The following ADPRHL1 variants were observed in gnomAD, a reference collection of about 807,000 sequenced individuals.
ADPRHL1 encodes ADP-ribosylhydrolase like 1.
In ADPRHL1, 43 loss-of-function variants were observed where a neutral mutation model predicts 44.1. The observed-to-expected ratio is 0.98, with a 90% CI of 0.76 to 1.26. The LOEUF is 1.26. Ranked by LOEUF, ADPRHL1 falls within the 50% of genes most tolerant of loss-of-function variation. ADPRHL1 has a pLI of 0.00. For missense variants in ADPRHL1, 2,022 were observed against 2,496.9 expected (o/e 0.81, Z 4.05); for synonymous variants, 878 against 1,017.4 (o/e 0.86, Z 2.61).
chr13:113,445,910 G>A (rs113579044), intron 1 of ADPRHL1, among the ~76,000 whole-genome samples: 47 of 148,978 alleles, frequency 3.2e-4, no homozygotes, highest in African/African-American at 1.1e-3. Context: ...AGGGACCATG[G>A]CTGCAAACCC....
intron 7 of ADPRHL1, among the ~76,000 whole-genome samples, chr13:113,416,547 A>G (rs1476498250): frequency 6.6e-6 from 1 of 152,118 alleles, no homozygotes; most frequent in East Asian, 1.9e-4. Flanking sequence ...AATTACAGCA[A>G]CTGCCTAGGG....
chr13:113,414,894 C>T (rs1250548227), intron 7 of ADPRHL1, among the ~76,000 whole-genome samples: 5 of 152,018 alleles, frequency 3.3e-5, no homozygotes, highest in African/African-American at 9.7e-5. Flanking sequence ...AGGCTGGTTT[C>T]GAACTCCTGA....
intron 1 of ADPRHL1, among the ~76,000 whole-genome samples, chr13:113,447,457 T>C (rs1380520945): frequency 3.1e-5 from 4 of 131,144 alleles, no homozygotes; most frequent in East Asian, 2.5e-4. Context: ...GGTGTGTGTG[T>C]ATGGTGTCTA....
intron 3 of ADPRHL1, among the ~76,000 whole-genome samples, chr13:113,431,194 C>A (rs569475662): frequency 1.6e-3 from 245 of 152,342 alleles, no homozygotes; most frequent in African/African-American, 5.7e-3. Context: ...TCTCTGTACA[C>A]CGGGGCTGTG....
At chr13:113,424,055 T>C (rs2139618550) in intron 6 of ADPRHL1, among the ~76,000 whole-genome samples, 162 bp downstream of exon 6, 1 of 152,328 alleles carries the variant, frequency 6.6e-6, no homozygotes, top group East Asian at 1.9e-4. Context: ...CCCTGGAGCC[T>C]GTGCCCTCCC....
Position 113,453,301 on chromosome 13 carries a change from A to C in ADPRHL1, c.137T>G (p.Leu46Arg). 6.2e-7 allele frequency: 1 copy of C among 1,614,180 alleles called. No homozygotes were observed. The highest frequency in any genetic ancestry group is 8.5e-7 in the Non-Finnish European group (1 of 1,180,038). The change falls in exon 1 of 8, where the codon CTC becomes CGC. Residue 46 changes from leucine (L) to arginine (R), a missense_variant. This residue lies in a region of ADPRHL1 where 437 missense variants were observed against 430.7 expected (regional missense o/e 1.01). Coordinates refer to ENST00000612156, the MANE Select transcript of ADPRHL1 (RefSeq NM_001394807.1). This position sits in a 1 kb window ranked among gnomAD's most constrained non-coding sequence, Gnocchi z 5.4. Reference sequence around the variant, plus strand: ...GGGCCATTCTCCTGGCGAGAGTACGAGGTGGTCCAGGCCCCCGGAACGTTG... The same window carrying C: ...GGGCCATTCTCCTGGCGAGAGTACGCGGTGGTCCAGGCCCCCGGAACGTTG... ...ELQRSGGLDH[L>R]VLSPGEWPVS...
intron 7 of ADPRHL1, among the ~76,000 whole-genome samples, chr13:113,416,234 T>A (rs1308580054): frequency 6.6e-6 from 1 of 152,034 alleles, no homozygotes; most frequent in Non-Finnish European, 1.5e-5. Context: ...CTGTATTTCC[T>A]GGAAATAAAT....
At chr13:113,428,434 CT>C (rs2043982407) in intron 4 of ADPRHL1, among the ~76,000 whole-genome samples, 1 of 152,250 alleles carries the variant, frequency 6.6e-6, no homozygotes, top group African/African-American at 2.4e-5. Flanking sequence ...CTGCCGCCCC[CT>C]CCCCTCTTAG....
intron 1 of ADPRHL1, among the ~76,000 whole-genome samples, chr13:113,446,299 A>G (rs983480820): frequency 6.6e-6 from 1 of 151,508 alleles, no homozygotes; most frequent in Non-Finnish European, 1.5e-5. Flanking sequence ...TCCCAGAGAG[A>G]GCACTCAGGG....
At chr13:113,427,899 C>T (rs2043978576) in intron 4 of ADPRHL1, among the ~76,000 whole-genome samples, 1 of 152,044 alleles carries the variant, frequency 6.6e-6, no homozygotes, top group African/African-American at 2.4e-5. Context: ...GAACCAGACC[C>T]CCATAAGGCG....
In ADPRHL1 at chr13:113,400,260, C is replaced by T. The variant is rs1297931014; in HGVS notation, c.*3118G>A. The stretch of plus-strand genomic sequence containing the variant: ...TCCCGGGTTCACGCCATTCTCCTGT[C>T]TCAGGCTCCCGAGTAGCTGGGACTA... On this transcript the variant is annotated 3_prime_UTR_variant, in exon 8 of 8. Coordinates refer to ENST00000612156, the MANE Select transcript of ADPRHL1 (RefSeq NM_001394807.1). 6.7e-6 allele frequency: 1 copy of T among 149,178 alleles called. No individual in the cohort carries two copies. The highest frequency in any genetic ancestry group is 2.5e-5 in the African/African-American group (1 of 40,518). 9.2% of individuals were successfully genotyped at this position (149,178 alleles called of 1,614,324 possible).
intron 7 of ADPRHL1, among the ~76,000 whole-genome samples, chr13:113,410,571 G>A (rs940580533): frequency 6.6e-6 from 1 of 152,222 alleles, no homozygotes; most frequent in African/African-American, 2.4e-5. Flanking sequence ...GAGCAGCTGT[G>A]CGTCCTGCTG....
At position 113,409,011 on chromosome 13, in the gene ADPRHL1, G is replaced by A. The variant is rs1294512436; in HGVS notation, c.1062-791C>T. The stretch of plus-strand genomic sequence containing the variant: ...GGAGGAGGGCTGGGATCACTTGGCT[G>A]GGTCTCCGGAACCCCTTTCAAAATG... On this transcript the variant is annotated intron_variant, in intron 7 of 7. Coordinates refer to ENST00000612156, the MANE Select transcript of ADPRHL1 (RefSeq NM_001394807.1). The surrounding 1 kb of genome is among the most constrained non-coding windows in gnomAD (Gnocchi z 4.2). Among the ~76,000 whole-genome samples the A allele has an allele frequency of 6.6e-6, 1 of 152,214 alleles. No homozygotes were observed. The highest frequency in any genetic ancestry group is 2.4e-5 in the African/African-American group (1 of 41,458).
chr13:113,411,863 C>G (rs920110813), intron 7 of ADPRHL1, among the ~76,000 whole-genome samples: 1 of 152,240 alleles, frequency 6.6e-6, no homozygotes, highest in African/African-American at 2.4e-5. Flanking sequence ...AAGTTCCTCC[C>G]TGGGTCTGGC....
rs183159526 is a variant in ADPRHL1 at position 113,413,626 on chromosome 13, T to C, written c.1062-5406A>G. 2.2e-3 allele frequency among the ~76,000 whole-genome samples: 340 copies of C among 152,328 alleles called. 3 individuals carry two copies. The highest frequency in any genetic ancestry group is 1.3e-3 in the Non-Finnish European group (90 of 68,018). ...TTGCTGCTGAGTGAACGCGTCCTCA[T>C]GCGCTGGAGCCAGTGCTGCCCCTTG... On this transcript the variant is annotated intron_variant, in intron 7 of 7. Coordinates refer to ENST00000612156, the MANE Select transcript of ADPRHL1 (RefSeq NM_001394807.1).
chr13:113,446,129 C>T (rs1392142914), intron 1 of ADPRHL1, among the ~76,000 whole-genome samples: 2 of 139,240 alleles, frequency 1.4e-5, no homozygotes, highest in African/African-American at 2.7e-5. Flanking sequence ...GCAGGCCCCC[C>T]CTCCCCCCTC....
Position 113,405,283 on chromosome 13 carries a change from C to T in ADPRHL1, c.3999G>A (p.Arg1333=). 8.1e-7 allele frequency: 1 copy of T among 1,231,914 alleles called. No homozygotes were observed. The highest frequency in any genetic ancestry group is 1.0e-6 in the Non-Finnish European group (1 of 988,126). 76.3% of individuals were successfully genotyped at this position (1,231,914 alleles called of 1,614,324 possible). Residue 1333 remains arginine (R), a synonymous_variant, in exon 8 of 8, where the codon CGG becomes CGA. Coordinates refer to ENST00000612156, the MANE Select transcript of ADPRHL1 (RefSeq NM_001394807.1). ...DMGWVGGTHQ[R]GPPHLQAHLP... ...GGTGTGCCTGTAGATGGGGAGGGCCCCGCTGGTGGGTGCCACCTACCCACC... is the reference window on the plus strand; with the variant it reads ...GGTGTGCCTGTAGATGGGGAGGGCCTCGCTGGTGGGTGCCACCTACCCACC...
At position 113,409,966 on chromosome 13, in the gene ADPRHL1, T is replaced by A. The variant is rs976147912; in HGVS notation, c.1062-1746A>T. On this transcript the variant is annotated intron_variant, in intron 7 of 7. Coordinates refer to ENST00000612156, the MANE Select transcript of ADPRHL1 (RefSeq NM_001394807.1). This position sits in a 1 kb window ranked among gnomAD's most constrained non-coding sequence, Gnocchi z 4.2. Reference sequence around the variant, plus strand: ...AAGGAAATGTGTGAACATACTTCTCTTTTTGTGTTTGTCTGCATTTTTCCA... The same window carrying A: ...AAGGAAATGTGTGAACATACTTCTCATTTTGTGTTTGTCTGCATTTTTCCA... 1 of 985,162 alleles carries A rather than the reference T, an allele frequency of 1.0e-6. No homozygotes were observed. The highest frequency in any genetic ancestry group is 1.7e-5 in the African/African-American group (1 of 57,180). The allele number at this position is 985,162 out of a possible 1,614,324, so 61.0% of individuals were successfully genotyped here.
intron 3 of ADPRHL1, among the ~76,000 whole-genome samples, chr13:113,431,185 C>T (rs1229152512): frequency 6.6e-6 from 1 of 152,252 alleles, no homozygotes; most frequent in Non-Finnish European, 1.5e-5. Flanking sequence ...CATCCCACTT[C>T]TCTGTACACC....
Sources: gnomAD v4.1 joint callset for allele counts (sites outside exome capture counted in the v4.1 genomes callset) on GRCh38, gnomAD v4.1.1 for gene constraint, gnomAD v4.1.1 regional missense constraint, Gnocchi (gnomAD v3.1) non-coding constraint, MANE v1.5 for transcripts, NCBI Gene and HGNC (gene_info 2026-07-23, HGNC 2026-07-21) for gene names.